Variants in CCM2 observed in about 807,000 individuals in gnomAD.
CCM2 encodes CCM2 scaffold protein.
CCM2 carries 25 observed loss-of-function variants against 44.9 expected under a neutral mutation model. The observed-to-expected ratio is 0.56, with a 90% CI of 0.41 to 0.78. The LOEUF (loss-of-function observed/expected upper bound fraction) is 0.78. CCM2 is among the 30% of genes least tolerant of loss of function. The pLI is 0.00. For synonymous variants in CCM2, 219 were observed against 241.1 expected (o/e 0.91, Z 0.85); for missense variants, 481 against 580.6 (o/e 0.83, Z 1.76).
chr7:45,043,762 T>C (rs776280344), intron 2 of CCM2: 3 of 394,932 alleles, frequency 7.6e-6, no homozygotes, highest in South Asian at 5.6e-5. Context: ...CTTTCATTTT[T>C]CTCTCATTTT....
chr7:45,063,656 G>T (rs994498570), intron 2 of CCM2, among the ~76,000 whole-genome samples: 1 of 152,096 alleles, frequency 6.6e-6, no homozygotes, highest in Non-Finnish European at 1.5e-5. Flanking sequence ...TAGTAGTTTG[G>T]GATACTCATT....
chr7:45,030,655 T>A (rs1796923013), intron 1 of CCM2, among the ~76,000 whole-genome samples: 1 of 152,202 alleles, frequency 6.6e-6, no homozygotes, highest in Non-Finnish European at 1.5e-5. Context: ...CCTCAAGCGA[T>A]CCTCTTGCTT....
intron 1 of CCM2, among the ~76,000 whole-genome samples, chr7:45,029,204 G>A (rs1562873697): frequency 6.6e-6 from 1 of 152,294 alleles, no homozygotes; most frequent in East Asian, 1.9e-4. Flanking sequence ...CCAGTGTCTG[G>A]CGCATAGTGA....
chr7:45,036,398 G>A (rs1797220770), intron 1 of CCM2, among the ~76,000 whole-genome samples: 1 of 144,160 alleles, frequency 6.9e-6, no homozygotes, highest in Admixed American at 6.7e-5. Flanking sequence ...GGAGGCAGCA[G>A]GGTCAGGAAA....
At chr7:45,074,206 TGG>T (rs1326585768) in intron 8 of CCM2, 62 bp from the exon 9 acceptor site, 2 of 1,608,184 alleles carry the variant, frequency 1.2e-6, no homozygotes, top group Admixed American at 3.3e-5. Context: ...TGTGGCAAGG[TGG>T]GCCCGACTGC....
intron 2 of CCM2, among the ~76,000 whole-genome samples, chr7:45,058,105 ACCT>A (rs1239528397): frequency 6.6e-6 from 1 of 152,108 alleles, no homozygotes; most frequent in African/African-American, 2.4e-5. Context: ...CTCCAGAGTG[ACCT>A]CCTTGCTTGG....
At chr7:45,027,319 G>T (rs150483730) in intron 1 of CCM2, 1 of 347,190 alleles carries the variant, frequency 2.9e-6, no homozygotes, top group Non-Finnish European at 5.6e-6. Context: ...CCAGGAAATG[G>T]TAGCCCCTCA....
At chr7:45,062,074 GTTA>G (rs1798553509) in intron 2 of CCM2, among the ~76,000 whole-genome samples, 1 of 152,174 alleles carries the variant, frequency 6.6e-6, no homozygotes, top group Non-Finnish European at 1.5e-5. Flanking sequence ...CATCTTTGGG[GTTA>G]TTGTTTTTTC....
intron 1 of CCM2, among the ~76,000 whole-genome samples, chr7:45,033,044 C>CAAAAAA (rs60956411): frequency 6.9e-5 from 4 of 58,080 alleles, no homozygotes; most frequent in African/African-American, 2.7e-4. Flanking sequence ...AACTCCGTCT[C>CAAAAAA]AAAAAAAAAA....
At chr7:45,017,413 C>G (rs1796309914) in intron 1 of CCM2, among the ~76,000 whole-genome samples, 1 of 152,268 alleles carries the variant, frequency 6.6e-6, no homozygotes, top group Admixed American at 6.5e-5. Flanking sequence ...ACAGTCACAG[C>G]TATAGTTTTG....
At chr7:45,021,167 G>T (rs1159566952) in intron 1 of CCM2, among the ~76,000 whole-genome samples, 3 of 152,152 alleles carry the variant, frequency 2.0e-5, no homozygotes, top group African/African-American at 7.2e-5. Context: ...TGAGGTGGGA[G>T]GATGGCTTGA....
chr7:45,021,862 C>T (rs1796495731), intron 1 of CCM2, among the ~76,000 whole-genome samples: 1 of 152,156 alleles, frequency 6.6e-6, no homozygotes, highest in Admixed American at 6.5e-5. Context: ...GTTTTGCACA[C>T]TGTGGGTTAT....
chr7:45,029,664 C>T (rs916795186), intron 1 of CCM2, among the ~76,000 whole-genome samples: 2 of 152,132 alleles, frequency 1.3e-5, no homozygotes, highest in Non-Finnish European at 2.9e-5. Context: ...TTGAGCAGAT[C>T]CAGTTACTCC....
rs1297660574 is a variant in CCM2, at chr7:45,038,346, C to G, written c.124C>G (p.Leu42Val). The change falls in exon 2 of 10, where the codon CTG becomes GTG. Residue 42 changes from leucine to valine, a missense_variant. Transcript: ENST00000258781. ...TGAGAAGGTGACAGAGAGGCGCCCT[C>G]TGCACACTGTGGTGTTGTCATTGCC... Reference protein sequence around the residue: ...AHEKVTERRPLHTVVLSLPER... With the variant: ...AHEKVTERRPVHTVVLSLPER... 1 of 1,614,196 alleles carries G rather than the reference C, an allele frequency of 6.2e-7. No homozygotes were observed. The highest frequency in any genetic ancestry group is 1.7e-5 in the Admixed American group (1 of 60,026).
chr7:45,025,223 A>G (rs1343136323), intron 1 of CCM2, among the ~76,000 whole-genome samples: 4 of 152,202 alleles, frequency 2.6e-5, no homozygotes, highest in Non-Finnish European at 5.9e-5. Context: ...AAGGTATAAT[A>G]ATTGAGTACA....
intron 1 of CCM2, among the ~76,000 whole-genome samples, chr7:45,016,392 C>T (rs537685843): frequency 8.5e-5 from 13 of 152,174 alleles, no homozygotes; most frequent in Admixed American, 5.2e-4. Context: ...TGCAATGGCG[C>T]GATCTTGGCT....
chr7:45,071,822 C>T (rs565623649), intron 6 of CCM2: 25 of 456,738 alleles, frequency 5.5e-5, no homozygotes, highest in African/African-American at 4.6e-4. Context: ...AGGACTCTTG[C>T]AATCACATTG....
intron 1 of CCM2, among the ~76,000 whole-genome samples, chr7:45,010,971 T>C (rs1176937222): frequency 6.6e-6 from 1 of 152,212 alleles, no homozygotes; most frequent in Non-Finnish European, 1.5e-5. Context: ...CTGAATTTTA[T>C]GGGAACTATA....
chr7:45,068,814 A>G (rs1030571643), intron 5 of CCM2, among the ~76,000 whole-genome samples: 12 of 151,836 alleles, frequency 7.9e-5, no homozygotes, highest in Non-Finnish European at 1.6e-4. Context: ...TCCTCTGCGC[A>G]TGACTGCATC....
Sources: allele counts gnomAD v4.1 joint callset (sites outside exome capture counted in the v4.1 genomes callset), GRCh38; gene constraint gnomAD v4.1.1; transcripts MANE v1.5; gene names NCBI Gene and HGNC (gene_info 2026-07-23, HGNC 2026-07-21).